Variants in UBXN2A observed in about 807,000 individuals in gnomAD.
UBXN2A encodes the protein UBX domain protein 2A, also known as UBX domain-containing protein 2A.
UBXN2A carries 28 observed loss-of-function variants against 28.4 expected under a neutral mutation model. The observed-to-expected ratio is 0.99, with a 90% confidence interval of 0.73 to 1.35. The LOEUF (loss-of-function observed/expected upper bound fraction) is 1.35, where lower values mean the gene tolerates loss of function less well. UBXN2A is among the 40% of genes most tolerant of loss of function. The pLI, the probability that UBXN2A is intolerant of heterozygous loss-of-function variation, is 0.00. For synonymous variants in UBXN2A, 97 were observed against 103.6 expected (o/e 0.94, Z 0.39); for missense variants, 253 against 297.9 (o/e 0.85, Z 1.11).
At chr2:23,927,641 G>T (rs1465770833) in intron 1 of UBXN2A, 1 of 127,276 alleles carries the variant, frequency 7.9e-6, no homozygotes, top group Non-Finnish European at 1.7e-5. Context: ...GAAGGGGGGG[G>T]GGAAACACCA....
intron 1 of UBXN2A, among the ~76,000 whole-genome samples, chr2:23,950,103 T>C (rs1208315819): frequency 6.7e-6 from 1 of 149,390 alleles, no homozygotes; most frequent in African/African-American, 2.5e-5. Flanking sequence ...ATGGTACTTA[T>C]CCTCAGCGAT....
chr2:23,949,823 T>C (rs1706273278), intron 1 of UBXN2A, among the ~76,000 whole-genome samples: 1 of 150,516 alleles, frequency 6.6e-6, no homozygotes, highest in Admixed American at 6.6e-5. Context: ...TGCAGTAAGC[T>C]GAGACCTCAC....
At chr2:23,991,644 T>C (rs1360235984) in intron 6 of UBXN2A, among the ~76,000 whole-genome samples, 1 of 151,836 alleles carries the variant, frequency 6.6e-6, no homozygotes, top group Non-Finnish European at 1.5e-5. Flanking sequence ...TAATTTTTTT[T>C]GTATTTTTAG....
chr2:23,948,647 C>G (rs1353265133), intron 1 of UBXN2A, among the ~76,000 whole-genome samples: 1 of 152,058 alleles, frequency 6.6e-6, no homozygotes, highest in African/African-American at 2.4e-5. Context: ...TCAGAACAAC[C>G]TGAGGGGGAT....
intron 1 of UBXN2A, among the ~76,000 whole-genome samples, chr2:23,949,381 C>G (rs1394412881): frequency 6.6e-6 from 1 of 151,556 alleles, no homozygotes; most frequent in Non-Finnish European, 1.5e-5. Context: ...ACCATCCTGG[C>G]TAACACATCG....
At chr2:23,972,546 G>A (rs145308360) in intron 3 of UBXN2A, among the ~76,000 whole-genome samples, 9 of 152,196 alleles carry the variant, frequency 5.9e-5, no homozygotes, top group South Asian at 2.1e-4. Context: ...TTTCTTGACC[G>A]GGCGCGGTGG....
At chr2:23,959,222 T>G (rs1706787144) in intron 2 of UBXN2A, among the ~76,000 whole-genome samples, 1 of 152,220 alleles carries the variant, frequency 6.6e-6, no homozygotes, top group African/African-American at 2.4e-5. Flanking sequence ...CCGGGCACAG[T>G]GGCTCACGCC....
At chr2:23,962,124 G>A (rs1357356819) in intron 2 of UBXN2A, among the ~76,000 whole-genome samples, 2 of 152,098 alleles carry the variant, frequency 1.3e-5, no homozygotes, top group African/African-American at 2.4e-5. Context: ...AGGATTACAG[G>A]CATGAGCCAC....
At chr2:23,989,816 T>C (rs1233928054) in intron 6 of UBXN2A, among the ~76,000 whole-genome samples, 2 of 152,032 alleles carry the variant, frequency 1.3e-5, no homozygotes, top group Non-Finnish European at 2.9e-5. Context: ...AGTAGGAGGA[T>C]CACCTGTACC....
chr2:23,955,425 G>A (rs1706574957), intron 1 of UBXN2A, among the ~76,000 whole-genome samples: 1 of 152,160 alleles, frequency 6.6e-6, no homozygotes, highest in Non-Finnish European at 1.5e-5. Flanking sequence ...ACCCTCAAGA[G>A]TTTAATTTTC....
At chr2:23,948,370 A>C (rs1407756136) in intron 1 of UBXN2A, among the ~76,000 whole-genome samples, 2 of 150,136 alleles carry the variant, frequency 1.3e-5, no homozygotes, top group East Asian at 3.9e-4. Flanking sequence ...CTCCTGCCTC[A>C]GCCTCCCAAG....
In UBXN2A at chr2:23,944,419, C is replaced by G. The variant is rs1705937624; in HGVS notation, c.-15+3771C>G. The stretch of plus-strand genomic sequence containing the variant: ...TTCACCCATCTTTCAGTTTGTCAGT[C>G]TTATCTCCACCCTGGGAAAAGTTCT... On this transcript the variant is annotated intron_variant, in intron 1 of 6. Transcript: ENST00000309033. 1.8e-5 allele frequency: 19 copies of G among 1,061,344 alleles called. No individual in the cohort carries two copies. The South Asian group carries it at 2.2e-4, about 12-fold the overall frequency. The allele number at this position is 1,061,344 out of a possible 1,614,324, so 65.7% of individuals were successfully genotyped here.
chr2:23,998,643 C>T (rs1027042781), intron 6 of UBXN2A, among the ~76,000 whole-genome samples: 4 of 152,292 alleles, frequency 2.6e-5, no homozygotes, highest in Middle Eastern at 6.8e-3. Context: ...ATTGCTTGAA[C>T]CCGGGAGGTG....
At chr2:23,937,878 C>T (rs1705574932), upstream of UBXN2A, among the ~76,000 whole-genome samples, 1 of 152,126 alleles carries the variant, frequency 6.6e-6, no homozygotes, top group Admixed American at 6.6e-5. Flanking sequence ...GTATAGTGTA[C>T]TACACATCTA....
chr2:23,936,343 C>T (rs77128214), upstream of UBXN2A, among the ~76,000 whole-genome samples: 5,862 of 151,352 alleles, frequency 0.039, 110 homozygotes, highest in South Asian at 0.046. Flanking sequence ...TGAAATAAGC[C>T]GGACAAAAAA....
chr2:23,929,716 A>C (rs1387229094), intron 1 of UBXN2A, among the ~76,000 whole-genome samples: 2 of 152,072 alleles, frequency 1.3e-5, no homozygotes, highest in Non-Finnish European at 2.9e-5. Flanking sequence ...CCATCTCAAA[A>C]AAAAATAAAT....
At chr2:23,984,606 AATT>A (rs1255692696) in intron 5 of UBXN2A, 64 bp from the exon 6 acceptor site, 3 of 1,230,226 alleles carry the variant, frequency 2.4e-6, no homozygotes, top group Non-Finnish European at 3.2e-6. Context: ...TTTTTATAGT[AATT>A]ATTTAATAAT....
rs1334092888 is a variant in UBXN2A at position 24,000,431 on chromosome 2, A to G, written c.*564A>G. The G allele has an allele frequency of 6.6e-6, 1 of 152,218 alleles. No homozygotes were observed. The highest frequency in any genetic ancestry group is 1.5e-5 in the Non-Finnish European group (1 of 68,088). 9.4% of individuals were successfully genotyped at this position (152,218 alleles called of 1,614,324 possible). ...GCGGTGCGCAACTGTAGTCCCAGCT[A>G]CTCGGGAGGCTGAGGCAGGAGAATC... On this transcript the variant is annotated 3_prime_UTR_variant, in exon 7 of 7. Coordinates refer to ENST00000309033, the MANE Select transcript of UBXN2A (RefSeq NM_181713.4).
intron 1 of UBXN2A, among the ~76,000 whole-genome samples, chr2:23,957,465 G>A (rs1573553437): frequency 6.6e-6 from 1 of 152,226 alleles, no homozygotes; most frequent in East Asian, 1.9e-4. Context: ...ACCACACTTG[G>A]CTAATTTTTA....
Sources: allele counts gnomAD v4.1 joint callset (sites outside exome capture counted in the v4.1 genomes callset), GRCh38; gene constraint gnomAD v4.1.1; transcripts MANE v1.5; gene names NCBI Gene and HGNC (gene_info 2026-07-23, HGNC 2026-07-21).